KCNIP1: variants seen among roughly 807,000 people sequenced by gnomAD.
KCNIP1 encodes the protein potassium voltage-gated channel interacting protein 1.
KCNIP1 carries 18 observed loss-of-function variants against 33.0 expected under a neutral mutation model. That is an observed-to-expected ratio of 0.55 (90% CI 0.38 to 0.81). The LOEUF (loss-of-function observed/expected upper bound fraction) is 0.81. Ranked by LOEUF, KCNIP1 falls within the 30% of genes least tolerant of loss-of-function variation. The probability of loss-of-function intolerance (pLI) is 0.00; values close to 1 mark genes in which losing one functional copy is unlikely to be tolerated. For synonymous variants in KCNIP1, 93 were observed against 98.3 expected (o/e 0.95, Z 0.32); for missense variants, 238 against 271.6 (o/e 0.88, Z 0.87).
At position 170,378,774 on chromosome 5, in the gene KCNIP1, G is replaced by T. The variant is rs755712346; in HGVS notation, c.88+24810G>T. 1.9e-5 allele frequency: 31 copies of T among 1,614,118 alleles called. No individual in the cohort carries two copies. Among genetic ancestry groups the T allele is most frequent in the Non-Finnish European group, 1.4e-5 (17 of 1,180,036 alleles). On this transcript the variant is annotated intron_variant, in intron 1 of 7. Transcript: ENST00000377360. ...CATGGCGATAATGAGGAGGCCACCG[G>T]TCAGCAGGAAGGTGGGCCAGAAGAG... is the stretch of plus-strand genomic sequence containing the variant.
At chr5:170,638,175 A>G (rs4867622) in intron 1 of KCNIP1, among the ~76,000 whole-genome samples, 99,454 of 152,048 alleles carry the variant, frequency 0.65, 34,012 homozygotes, top group African/African-American at 0.86. Flanking sequence ...ACCTTAGCCC[A>G]AGCCTCAACA....
At chr5:170,705,180 G>T (rs1328373326) in intron 1 of KCNIP1, among the ~76,000 whole-genome samples, 1 of 152,150 alleles carries the variant, frequency 6.6e-6, no homozygotes, top group African/African-American at 2.4e-5. Context: ...CCAAAAGAAG[G>T]AAACAATCAA....
chr5:170,510,462 G>A (rs1460626073), intron 1 of KCNIP1, among the ~76,000 whole-genome samples: 1 of 152,144 alleles, frequency 6.6e-6, no homozygotes, highest in African/African-American at 2.4e-5. Flanking sequence ...TCTGCTCCTG[G>A]GGAGAAGCTC....
intron 1 of KCNIP1, among the ~76,000 whole-genome samples, chr5:170,657,399 C>T (rs1200072692): frequency 6.6e-6 from 1 of 152,148 alleles, no homozygotes; most frequent in Non-Finnish European, 1.5e-5. Flanking sequence ...TTTCAAGTCC[C>T]AGCCCTGCCA....
In KCNIP1 at chr5:170,710,305, T is replaced by C. The variant is rs1017399714; in HGVS notation, c.62-8453T>C. Among the ~76,000 whole-genome samples, 5 of 152,290 alleles carry C rather than the reference T, an allele frequency of 3.3e-5. 1 individual carries two copies. The highest frequency in any genetic ancestry group is 9.6e-5 in the African/African-American group (4 of 41,486). On this transcript the variant is annotated intron_variant, in intron 1 of 7. Coordinates refer to ENST00000328939, the MANE Select transcript of KCNIP1 (RefSeq NM_014592.4). The stretch of plus-strand genomic sequence containing the variant: ...TGTTTAATTGTTAATTTGGATAACA[T>C]ATTTTTCAATTCTACAATTTTTGAT...
At chr5:170,500,544 A>C (rs543007521), upstream of KCNIP1, among the ~76,000 whole-genome samples, 9 of 152,282 alleles carry the variant, frequency 5.9e-5, no homozygotes, top group East Asian at 1.7e-3. Context: ...CCCTCTGCAC[A>C]TTCATTTTGT....
At chr5:170,524,866 C>T (rs1361933041) in intron 1 of KCNIP1, among the ~76,000 whole-genome samples, 1 of 152,158 alleles carries the variant, frequency 6.6e-6, no homozygotes, top group Non-Finnish European at 1.5e-5. Context: ...TGGTCAAGTT[C>T]CCTGAGTTCT....
chr5:170,437,403 C>T (rs531846227), intron 1 of KCNIP1, among the ~76,000 whole-genome samples: 1 of 152,330 alleles, frequency 6.6e-6, no homozygotes, highest in East Asian at 1.9e-4. Flanking sequence ...CCATGGCTGT[C>T]TGCAGGCCAG....
At position 170,383,331 on chromosome 5, in the gene KCNIP1, G is replaced by T. The variant is rs188706740; in HGVS notation, c.88+29367G>T. 460 of 561,274 alleles carry T rather than the reference G, an allele frequency of 8.2e-4. 2 individuals carry two copies. The highest frequency in any genetic ancestry group is 7.7e-3 in the African/African-American group (410 of 53,488). 34.8% of individuals were successfully genotyped at this position (561,274 alleles called of 1,614,324 possible). On this transcript the variant is annotated intron_variant, in intron 1 of 7. Coordinates refer to the KCNIP1 transcript ENST00000377360. ...CACTAATCACTGCTTTTGTTTGAGT[G>T]CCCACTATCCACTCAGCATCAAGCG...
At chr5:170,593,608 G>T (rs1207789812) in intron 1 of KCNIP1, among the ~76,000 whole-genome samples, 1 of 152,218 alleles carries the variant, frequency 6.6e-6, no homozygotes, top group Non-Finnish European at 1.5e-5. Context: ...TGCTGAATTA[G>T]AAGTATTCAA....
At chr5:170,683,283 A>G (rs898491483) in intron 1 of KCNIP1, among the ~76,000 whole-genome samples, 1 of 152,238 alleles carries the variant, frequency 6.6e-6, no homozygotes, top group Non-Finnish European at 1.5e-5. Context: ...AACATTTTAA[A>G]TAATGCTGAA....
intron 1 of KCNIP1, among the ~76,000 whole-genome samples, chr5:170,610,847 C>T (rs1417479368): frequency 2.6e-5 from 4 of 152,200 alleles, no homozygotes; most frequent in Admixed American, 2.6e-4. Context: ...TCCATGTCTC[C>T]TGCCACCATC....
chr5:170,664,886 G>A (rs1405447381), intron 1 of KCNIP1, among the ~76,000 whole-genome samples: 1 of 152,142 alleles, frequency 6.6e-6, no homozygotes. Context: ...GCAGCAGCCC[G>A]AGCACTCAGT....
intron 1 of KCNIP1, chr5:170,669,583 G>A (rs1421541710): frequency 1.0e-6 from 1 of 985,258 alleles, no homozygotes; most frequent in East Asian, 1.1e-4. Context: ...GGGATGGAGT[G>A]AGTGTGTGGA....
At chr5:170,603,459 G>T (rs1443894402) in intron 1 of KCNIP1, among the ~76,000 whole-genome samples, 1 of 152,208 alleles carries the variant, frequency 6.6e-6, no homozygotes, top group Non-Finnish European at 1.5e-5. Context: ...CAGGCCCTGT[G>T]CTGGGAGCCA....
intron 1 of KCNIP1, among the ~76,000 whole-genome samples, chr5:170,433,899 A>G (rs1047102826): frequency 6.6e-6 from 1 of 152,050 alleles, no homozygotes; most frequent in Non-Finnish European, 1.5e-5. Context: ...TTCCAGGCCC[A>G]CCTGGCTGTA....
At chr5:170,378,845 G>A (rs772316023) in intron 1 of KCNIP1, 64 of 1,614,136 alleles carry the variant, frequency 4.0e-5, no homozygotes, top group Non-Finnish European at 5.1e-5. Context: ...GGAATAGGAC[G>A]CTGGTTTCGT....
At chr5:170,692,763 A>C (rs1762762408) in intron 1 of KCNIP1, among the ~76,000 whole-genome samples, 2 of 152,208 alleles carry the variant, frequency 1.3e-5, no homozygotes, top group African/African-American at 4.8e-5. Context: ...TGAAAATCTG[A>C]ATATGGGGAG....
At chr5:170,552,759 C>T (rs184463961) in intron 1 of KCNIP1, among the ~76,000 whole-genome samples, 109 of 152,334 alleles carry the variant, frequency 7.2e-4, no homozygotes, top group African/African-American at 2.6e-3. Flanking sequence ...GAAGGGCTTA[C>T]GCAGGACTGA....
Sources: allele counts gnomAD v4.1 joint callset (sites outside exome capture counted in the v4.1 genomes callset), GRCh38; gene constraint gnomAD v4.1.1; transcripts MANE v1.5; gene names NCBI Gene and HGNC (gene_info 2026-07-23, HGNC 2026-07-21).